Variants in KIFAP3 observed in about 807,000 individuals in gnomAD.
KIFAP3 encodes kinesin associated protein 3.
KIFAP3 carries 68 observed loss-of-function variants against 106.5 expected under a neutral mutation model. The ratio of observed to expected loss-of-function variants is 0.64; its 90% CI spans 0.53 to 0.78. KIFAP3 has a LOEUF of 0.78. Among genes scored for constraint, KIFAP3 ranks in the 30% least tolerant of loss-of-function variants. KIFAP3 has a pLI of 0.00. For missense variants in KIFAP3, 780 were observed against 941.8 expected (o/e 0.83, Z 2.25); for synonymous variants, 320 against 311.5 (o/e 1.03, Z -0.29).
intron 1 of KIFAP3, among the ~76,000 whole-genome samples, chr1:170,056,111 T>TA (rs549722446): frequency 0.046 from 6,611 of 145,188 alleles, 153 homozygotes; most frequent in South Asian, 0.065. Context: ...CTGTCTCCAT[T>TA]AAAAAAAAAA....
At chr1:170,034,316 T>C in intron 7 of KIFAP3, 56 bp downstream of exon 7, 1 of 1,539,810 alleles carries the variant, frequency 6.5e-7, no homozygotes, top group Non-Finnish European at 8.8e-7. Context: ...ATCCCACCCA[T>C]CCAAAACTTA....
chr1:170,032,959 A>C (rs985197906), intron 7 of KIFAP3, among the ~76,000 whole-genome samples: 6 of 151,758 alleles, frequency 4.0e-5, no homozygotes, highest in Admixed American at 3.9e-4. Flanking sequence ...CTTGTCACCA[A>C]ACAATAACAA....
chr1:169,925,181 T>A (rs182838181), intron 19 of KIFAP3, among the ~76,000 whole-genome samples: 1 of 152,160 alleles, frequency 6.6e-6, no homozygotes, highest in Non-Finnish European at 1.5e-5. Context: ...TATAGTACTT[T>A]TTCTTTATAG....
intron 19 of KIFAP3, among the ~76,000 whole-genome samples, chr1:169,941,147 TA>T (rs1327694781): frequency 6.6e-6 from 1 of 152,192 alleles, no homozygotes; most frequent in African/African-American, 2.4e-5. Flanking sequence ...ACTATTATGT[TA>T]CAATTTAAGT....
intron 19 of KIFAP3, among the ~76,000 whole-genome samples, chr1:169,950,941 T>C (rs892004945): frequency 3.3e-5 from 5 of 151,944 alleles, no homozygotes; most frequent in South Asian, 2.1e-4. Context: ...TTGAAAAATA[T>C]GCCACACTTT....
intron 10 of KIFAP3, among the ~76,000 whole-genome samples, chr1:170,007,383 T>C (rs1668018770): frequency 6.6e-6 from 1 of 151,504 alleles, no homozygotes; most frequent in Non-Finnish European, 1.5e-5. Context: ...CATATTAATA[T>C]ATATGAAAGG....
At chr1:170,020,747 T>C (rs983519291) in intron 9 of KIFAP3, among the ~76,000 whole-genome samples, 2 of 152,222 alleles carry the variant, frequency 1.3e-5, no homozygotes, top group African/African-American at 4.8e-5. Context: ...ACAAAAGCAA[T>C]TCAATGCATC....
chr1:169,924,544 T>C (rs980126424), intron 19 of KIFAP3, among the ~76,000 whole-genome samples: 7 of 152,178 alleles, frequency 4.6e-5, no homozygotes, highest in African/African-American at 1.7e-4. Flanking sequence ...CTAGGTCCTT[T>C]TGTATTATGA....
intron 7 of KIFAP3, 68 bp from the exon 8 acceptor site, chr1:170,032,052 A>C: frequency 2.4e-6 from 2 of 841,046 alleles, no homozygotes; most frequent in Non-Finnish European, 2.0e-6. Context: ...AATTCTATGA[A>C]CAATGGCACT....
chr1:169,977,623 T>C (rs1272342686), intron 16 of KIFAP3, among the ~76,000 whole-genome samples: 1 of 152,040 alleles, frequency 6.6e-6, no homozygotes, highest in African/African-American at 2.4e-5. Context: ...CCCCTTTAGG[T>C]AGGTGGAAGG....
chr1:170,009,741 T>A (rs553101654), intron 10 of KIFAP3, among the ~76,000 whole-genome samples: 1 of 152,254 alleles, frequency 6.6e-6, no homozygotes, highest in African/African-American at 2.4e-5. Flanking sequence ...ACAAGGAATT[T>A]CCTTGCCATC....
chr1:170,078,330 TTTAA>T (rs951473920), upstream of KIFAP3, among the ~76,000 whole-genome samples: 1 of 152,194 alleles, frequency 6.6e-6, no homozygotes, highest in African/African-American at 2.4e-5. Context: ...TTTTCATATG[TTTAA>T]TTACCATTTC....
At chr1:170,048,677 C>A (rs1469534301) in intron 2 of KIFAP3, among the ~76,000 whole-genome samples, 4 of 151,346 alleles carry the variant, frequency 2.6e-5, no homozygotes, top group African/African-American at 7.3e-5. Flanking sequence ...GTGGGTACAA[C>A]CCATGGAGAG....
At chr1:170,049,807 A>ACCC (rs1488216229) in intron 2 of KIFAP3, among the ~76,000 whole-genome samples, 2 of 137,078 alleles carry the variant, frequency 1.5e-5, no homozygotes, top group African/African-American at 5.2e-5. Flanking sequence ...AACAAAAAAC[A>ACCC]CCACCCCCCC....
chr1:169,951,884 T>C (rs923484715), intron 19 of KIFAP3, among the ~76,000 whole-genome samples: 45 of 151,928 alleles, frequency 3.0e-4, no homozygotes, highest in Non-Finnish European at 8.8e-5. Flanking sequence ...ATTAATCTTA[T>C]AAATGCTATA....
rs1380692252 is a variant in KIFAP3 at position 170,035,463 on chromosome 1, CA to C, written c.607del (p.Cys203ValfsTer22). On this transcript the variant is annotated frameshift_variant, in exon 6 of 20. Coordinates refer to ENST00000361580, the MANE Select transcript of KIFAP3 (RefSeq NM_014970.4). LOFTEE classifies it high-confidence loss of function. ...TAATTTTTATACTTACCTGGAGAAA[CA>C]AAAAAAGATGTAAATTATGTTTGTA... The part of the protein sequence containing the change: ...LATNIIYIFF[C>X]FSSFSQFHGL... 2.5e-6 allele frequency: 4 copies of C among 1,601,612 alleles called. No individual in the cohort carries two copies. The highest frequency in any genetic ancestry group is 2.2e-5 in the South Asian group (2 of 89,550).
In KIFAP3 at chr1:170,035,656, T is replaced by C. The variant is rs1212186098; in HGVS notation, c.518-103A>G. ...TTATTAATGAATAATAAAGCTAAGA[T>C]AGAACTGGGACAAAAAGTAGGATGC... is the stretch of plus-strand genomic sequence containing the variant. On this transcript the variant is annotated intron_variant, in intron 5 of 19. Coordinates refer to ENST00000361580, the MANE Select transcript of KIFAP3 (RefSeq NM_014970.4). 6 of 630,024 alleles carry C rather than the reference T, an allele frequency of 9.5e-6. No individual in the cohort carries two copies. In the East Asian group the frequency reaches 1.2e-4, roughly 13 times the overall value. The allele number at this position is 630,024 out of a possible 1,614,324, so 39.0% of individuals were successfully genotyped here.
At chr1:170,041,622 T>C in intron 3 of KIFAP3, 2 of 1,437,194 alleles carry the variant, frequency 1.4e-6, no homozygotes, top group South Asian at 1.2e-5. Flanking sequence ...CTGCCTGGCT[T>C]CTTTAAGCCA....
At chr1:170,044,068 T>C (rs552988310) in intron 3 of KIFAP3, among the ~76,000 whole-genome samples, 2 of 152,266 alleles carry the variant, frequency 1.3e-5, no homozygotes, top group South Asian at 4.2e-4. Context: ...AAATCCCTTT[T>C]CACAGGAGAG....
Sources: gnomAD v4.1 joint callset for allele counts (sites outside exome capture counted in the v4.1 genomes callset) on GRCh38, gnomAD v4.1.1 for gene constraint, MANE v1.5 for transcripts, NCBI Gene and HGNC (gene_info 2026-07-23, HGNC 2026-07-21) for gene names.